The following TRAM2 variants were observed in gnomAD, a reference collection of about 807,000 sequenced individuals.
The protein encoded by TRAM2 is translocation associated membrane protein 2.
In TRAM2, 12 loss-of-function variants were observed where a neutral mutation model predicts 51.0. The observed-to-expected ratio is 0.24, with a 90% confidence interval of 0.15 to 0.38. The LOEUF (loss-of-function observed/expected upper bound fraction) is 0.38. Among genes scored for constraint, TRAM2 ranks in the 10% least tolerant of loss-of-function variants. The probability of loss-of-function intolerance (pLI) is 1.00; values close to 1 mark genes in which losing one functional copy is unlikely to be tolerated. For missense variants in TRAM2, 361 were observed against 462.0 expected (o/e 0.78, Z 2.00); for synonymous variants, 175 against 179.4 (o/e 0.98, Z 0.20).
intron 1 of TRAM2, among the ~76,000 whole-genome samples, chr6:52,537,260 A>G (rs1766991499): frequency 6.6e-6 from 1 of 152,166 alleles, no homozygotes; most frequent in Admixed American, 6.5e-5. Flanking sequence ...AGAAAACACC[A>G]AGCCCTATCC....
intron 1 of TRAM2, among the ~76,000 whole-genome samples, chr6:52,565,260 C>T (rs1767569978): frequency 6.6e-6 from 1 of 152,074 alleles, no homozygotes; most frequent in Admixed American, 6.5e-5. Flanking sequence ...AAGTTAGGAC[C>T]AACCATGGCC....
At chr6:52,524,557 C>T (rs1238055320) in intron 2 of TRAM2, 2 of 152,120 alleles carry the variant, frequency 1.3e-5, no homozygotes, top group East Asian at 3.9e-4. Context: ...GTGGGAAATA[C>T]TCTATCTTGG....
At chr6:52,574,839 C>G (rs1455152392) in intron 1 of TRAM2, among the ~76,000 whole-genome samples, 2 of 152,152 alleles carry the variant, frequency 1.3e-5, no homozygotes, top group Admixed American at 6.5e-5. Context: ...TGCTGGCAGC[C>G]CTTTCTGAGC....
intron 1 of TRAM2, among the ~76,000 whole-genome samples, chr6:52,553,669 G>A (rs943266316): frequency 7.9e-5 from 12 of 152,260 alleles, no homozygotes; most frequent in African/African-American, 2.9e-4. Context: ...ATAGTTAAGA[G>A]CCCAGATTTT....
intron 2 of TRAM2, 102 bp downstream of exon 2, chr6:52,535,681 T>G: frequency 4.9e-6 from 5 of 1,025,788 alleles, no homozygotes; most frequent in Non-Finnish European, 7.2e-6. Context: ...GACTCCGTCA[T>G]GGGGGAAAAA....
intron 1 of TRAM2, among the ~76,000 whole-genome samples, chr6:52,536,257 A>G (rs984162653): frequency 3.9e-5 from 6 of 152,256 alleles, no homozygotes; most frequent in African/African-American, 1.4e-4. Flanking sequence ...TGAGGTTTCC[A>G]CAGCACTTTG....
chr6:52,535,143 A>C (rs1340582142), intron 2 of TRAM2, among the ~76,000 whole-genome samples: 3 of 152,188 alleles, frequency 2.0e-5, no homozygotes, highest in Admixed American at 6.5e-5. Context: ...TGAAAATGTT[A>C]AAAGGAAGCC....
At chr6:52,506,857 G>A (rs1766359222) in intron 7 of TRAM2, among the ~76,000 whole-genome samples, 1 of 152,160 alleles carries the variant, frequency 6.6e-6, no homozygotes, top group African/African-American at 2.4e-5. Flanking sequence ...CCTGCTGCAA[G>A]GACCTAGTCC....
At chr6:52,572,381 A>C (rs1401701563) in intron 1 of TRAM2, among the ~76,000 whole-genome samples, 1 of 152,232 alleles carries the variant, frequency 6.6e-6, no homozygotes, top group Non-Finnish European at 1.5e-5. Flanking sequence ...AGGTGGGCGG[A>C]TCACCTGAAG....
intron 2 of TRAM2, chr6:52,523,916 C>T (rs953780497): frequency 4.6e-5 from 7 of 152,264 alleles, no homozygotes; most frequent in East Asian, 1.9e-4. Context: ...CTTAAAAACA[C>T]GCATTCTTGG....
At chr6:52,528,570 G>A (rs1462636957) in intron 2 of TRAM2, among the ~76,000 whole-genome samples, 1 of 152,128 alleles carries the variant, frequency 6.6e-6, no homozygotes, top group African/African-American at 2.4e-5. Context: ...TCTGTCTGAG[G>A]TTGTTTTGAC....
At chr6:52,572,038 T>C (rs1767688598) in intron 1 of TRAM2, among the ~76,000 whole-genome samples, 1 of 152,202 alleles carries the variant, frequency 6.6e-6, no homozygotes, top group Non-Finnish European at 1.5e-5. Context: ...CAGTATGCCC[T>C]TACATCCCAT....
At chr6:52,526,547 C>T (rs1766785499) in intron 2 of TRAM2, among the ~76,000 whole-genome samples, 3 of 151,954 alleles carry the variant, frequency 2.0e-5, no homozygotes, top group Admixed American at 2.0e-4. Flanking sequence ...CCACCACACC[C>T]AGCTAATTTT....
Position 52,498,372 on chromosome 6 carries a change from A to G in TRAM2, c.*4825T>C, listed in dbSNP as rs906528864. The G allele has an allele frequency of 2.0e-5, 3 of 152,598 alleles. No homozygotes were observed. Among genetic ancestry groups the G allele is most frequent in the African/African-American group, 7.2e-5 (3 of 41,456 alleles). 9.5% of individuals were successfully genotyped at this position (152,598 alleles called of 1,614,324 possible). A position where few individuals can be genotyped will look rare whatever the true frequency, so the allele number is the denominator to read the frequency against. On this transcript the variant is annotated 3_prime_UTR_variant, in exon 11 of 11. Coordinates refer to ENST00000182527, the MANE Select transcript of TRAM2 (RefSeq NM_012288.4). ...GCTCGAACAGTTCTGCAACAGTCAG[A>G]CATGTATGTGTTTATGTGTTAGCAC...
intron 1 of TRAM2, among the ~76,000 whole-genome samples, chr6:52,571,384 C>T (rs1358023307): frequency 6.6e-6 from 1 of 152,208 alleles, no homozygotes; most frequent in Non-Finnish European, 1.5e-5. Context: ...ACCATAGCAA[C>T]ACATGTTATT....
At chr6:52,520,147 T>C (rs1296621166) in intron 2 of TRAM2, among the ~76,000 whole-genome samples, 1 of 152,262 alleles carries the variant, frequency 6.6e-6, no homozygotes, top group Non-Finnish European at 1.5e-5. Flanking sequence ...TTATGTTATG[T>C]GTATTTTACA....
chr6:52,541,649 C>A (rs1161228569), intron 1 of TRAM2, among the ~76,000 whole-genome samples: 1 of 152,192 alleles, frequency 6.6e-6, no homozygotes, highest in African/African-American at 2.4e-5. Flanking sequence ...CAGCCACAGG[C>A]ACTGGGTACA....
At chr6:52,548,646 G>T (rs537582821) in intron 1 of TRAM2, among the ~76,000 whole-genome samples, 1 of 152,228 alleles carries the variant, frequency 6.6e-6, no homozygotes, top group African/African-American at 2.4e-5. Flanking sequence ...CCCCAGAAGC[G>T]GGACTAGAAT....
intron 4 of TRAM2, among the ~76,000 whole-genome samples, chr6:52,514,940 G>C (rs1440513743): frequency 6.6e-6 from 1 of 152,150 alleles, no homozygotes; most frequent in Non-Finnish European, 1.5e-5. Flanking sequence ...CAGAAGTCTT[G>C]GGCCCCCCAT....
Sources: allele counts gnomAD v4.1 joint callset (sites outside exome capture counted in the v4.1 genomes callset), GRCh38; gene constraint gnomAD v4.1.1; transcripts MANE v1.5; gene names NCBI Gene and HGNC (gene_info 2026-07-23, HGNC 2026-07-21).